Variants in XIRP2 observed in about 807,000 individuals in gnomAD.
XIRP2 encodes the protein xin actin-binding repeat-containing protein 2.
In XIRP2, 236 loss-of-function variants were observed where a neutral mutation model predicts 277.0. The ratio of observed to expected loss-of-function variants is 0.85; its 90% confidence interval spans 0.77 to 0.95. The LOEUF is 0.95. XIRP2 is among the 40% of genes least tolerant of loss of function. The probability of loss-of-function intolerance (pLI) is 0.00; values close to 1 mark genes in which losing one functional copy is unlikely to be tolerated. For synonymous variants in XIRP2, 1,490 were observed against 1,416.5 expected (o/e 1.05, Z -1.17); for missense variants, 4,640 against 4,157.5 (o/e 1.12, Z -3.19).
chr2:167,143,366 A>C (rs1008190527), intron 3 of XIRP2, among the ~76,000 whole-genome samples: 13 of 152,268 alleles, frequency 8.5e-5, no homozygotes, highest in African/African-American at 3.1e-4. Context: ...CTGATTTTTT[A>C]AAGTGTTTTT....
In XIRP2 at chr2:167,242,659, A is replaced by G; in HGVS notation, c.1267A>G (p.Thr423Ala). 6.2e-7 allele frequency: 1 copy of G among 1,614,128 alleles called. No individual in the cohort carries two copies. The highest frequency in any genetic ancestry group is 8.5e-7 in the Non-Finnish European group (1 of 1,179,980). The change falls in exon 9 of 11, where the codon ACA (threonine) becomes GCA (alanine). Residue 423 changes from threonine (T) to alanine (A), a missense_variant. Coordinates refer to ENST00000409195, the MANE Select transcript of XIRP2 (RefSeq NM_152381.6). ...SCVSTSQRKE[T>A]STTRYSDHSV... ...CGTTTCAACCAGCCAGAGGAAGGAAACATCAACTACAAGATATAGTGATCA... is the reference window on the plus strand; with the variant it reads ...CGTTTCAACCAGCCAGAGGAAGGAAGCATCAACTACAAGATATAGTGATCA...
At chr2:167,098,556 C>T (rs1360422540) in intron 2 of XIRP2, among the ~76,000 whole-genome samples, 2 of 152,222 alleles carry the variant, frequency 1.3e-5, no homozygotes, top group Non-Finnish European at 2.9e-5. Context: ...ATTCATCAAA[C>T]TCATTCTCCA....
chr2:167,005,347 C>A (rs1313125041), intron 2 of XIRP2, among the ~76,000 whole-genome samples: 1 of 151,824 alleles, frequency 6.6e-6, no homozygotes, highest in African/African-American at 2.4e-5. Context: ...GAAGTCACTG[C>A]AGGTGGTGAA....
At chr2:167,055,866 C>G (rs577077815) in intron 2 of XIRP2, among the ~76,000 whole-genome samples, 1 of 151,998 alleles carries the variant, frequency 6.6e-6, no homozygotes, top group Non-Finnish European at 1.5e-5. Context: ...TCTCTTTTCC[C>G]CTGGACTATA....
intron 2 of XIRP2, among the ~76,000 whole-genome samples, chr2:167,077,711 A>C (rs1689610754): frequency 6.6e-6 from 1 of 152,212 alleles, no homozygotes; most frequent in Non-Finnish European, 1.5e-5. Flanking sequence ...GCCTGAAGGC[A>C]GGATTATGTC....
chr2:167,142,287 C>T (rs935513883), intron 3 of XIRP2, among the ~76,000 whole-genome samples: 1 of 152,128 alleles, frequency 6.6e-6, no homozygotes, highest in Admixed American at 6.6e-5. Flanking sequence ...CAATGGCTCA[C>T]GCTTATAATC....
rs75573586 is a variant in XIRP2 at position 166,932,622 on chromosome 2, C to A, written c.408+28732C>A. Among the ~76,000 whole-genome samples, 147 of 152,132 alleles carry A rather than the reference C, an allele frequency of 9.7e-4. 1 individual carries two copies. Among genetic ancestry groups the A allele is most frequent in the South Asian group, 8.7e-3 (42 of 4,818 alleles). On this transcript the variant is annotated intron_variant, in intron 2 of 10. Coordinates refer to ENST00000409195, the MANE Select transcript of XIRP2 (RefSeq NM_152381.6). ...CTGTGTAAGAAATACTTGCTTACTC[C>A]GGTATTATAATAATATTTCTATATT...
At chr2:167,242,306 C>T (rs868116241) in intron 8 of XIRP2, among the ~76,000 whole-genome samples, 4 of 152,028 alleles carry the variant, frequency 2.6e-5, no homozygotes, top group Non-Finnish European at 5.9e-5. Flanking sequence ...AAAAGAATCA[C>T]GATTATGTGT....
chr2:167,248,147 A>G lies in XIRP2; in HGVS notation c.6755A>G (p.Asp2252Gly), dbSNP rs564136417. The G allele has an allele frequency of 6.1e-5, 98 of 1,613,740 alleles. No individual in the cohort carries two copies. In the South Asian group the frequency reaches 9.7e-4, roughly 16 times the overall value. ...RETDVHLKSQ[D>G]FLMKTNTSTG... ...ACTGATGTTCACTTGAAAAGCCAGG[A>G]CTTTCTAATGAAAACAAATACTTCC... The change falls in exon 9 of 11, where the codon GAC (aspartate) becomes GGC (glycine). Residue 2252 changes from aspartate to glycine, a missense_variant. Physicochemically the swap from Asp to Gly is moderately conservative, Grantham distance 94. Coordinates refer to ENST00000409195, the MANE Select transcript of XIRP2 (RefSeq NM_152381.6).
At chr2:167,255,011 T>C (rs1259781409) in intron 10 of XIRP2, among the ~76,000 whole-genome samples, 1 of 151,738 alleles carries the variant, frequency 6.6e-6, no homozygotes, top group Non-Finnish European at 1.5e-5. Context: ...TTTTTTCCCT[T>C]GGTTTCCATA....
intron 5 of XIRP2, among the ~76,000 whole-genome samples, chr2:167,218,564 A>G (rs963933575): frequency 6.6e-6 from 1 of 152,204 alleles, no homozygotes. Context: ...ATAAATGAAA[A>G]TTAAATAGTC....
chr2:167,054,115 G>A (rs1406241125), intron 2 of XIRP2, among the ~76,000 whole-genome samples: 1 of 152,130 alleles, frequency 6.6e-6, no homozygotes, highest in Non-Finnish European at 1.5e-5. Context: ...TGATTAGATA[G>A]CCAGCAAAAT....
At chr2:166,906,943 A>G (rs915717372) in intron 2 of XIRP2, among the ~76,000 whole-genome samples, 3 of 152,174 alleles carry the variant, frequency 2.0e-5, no homozygotes, top group Non-Finnish European at 4.4e-5. Flanking sequence ...ATTATTTTCT[A>G]TAAGTGTGCA....
At chr2:166,995,564 G>A (rs1479952325) in intron 2 of XIRP2, among the ~76,000 whole-genome samples, 2 of 152,272 alleles carry the variant, frequency 1.3e-5, no homozygotes, top group South Asian at 4.1e-4. Flanking sequence ...TGAGTTTAAA[G>A]AGATTGAGAA....
chr2:167,240,183 G>A (rs1695017092), intron 6 of XIRP2, among the ~76,000 whole-genome samples: 1 of 152,034 alleles, frequency 6.6e-6, no homozygotes, highest in African/African-American at 2.4e-5. Context: ...GGAGGCCGAG[G>A]CAGGCAGATC....
rs770410505 is a variant in XIRP2, at chr2:167,135,753, G to A, written c.409-156G>A. 3.7e-4 allele frequency: 245 copies of A among 654,612 alleles called. 1 individual carries two copies. Among genetic ancestry groups the A allele is most frequent in the Middle Eastern group, 9.3e-4 (2 of 2,152 alleles). The allele number at this position is 654,612 out of a possible 1,614,324, so 40.6% of individuals were successfully genotyped here. A position where few individuals can be genotyped will look rare whatever the true frequency, so the allele number is the denominator to read the frequency against. On this transcript the variant is annotated intron_variant, in intron 2 of 10. Transcript: ENST00000409195. ...GTTCAGATATATGTTTGCAGTTCTT[G>A]GCAAAGTTATCAACATTTTACCTGA...
intron 1 of XIRP2, among the ~76,000 whole-genome samples, chr2:166,897,286 C>CTGCA (rs1684269017): frequency 6.6e-6 from 1 of 152,172 alleles, no homozygotes; most frequent in Non-Finnish European, 1.5e-5. Context: ...GACTAGCACT[C>CTGCA]AGTGGCCCTA....
chr2:167,245,699 TAC>T lies in XIRP2; in HGVS notation c.4308_4309del (p.Ile1436MetfsTer7). On this transcript the variant is annotated frameshift_variant, in exon 9 of 11. Transcript: ENST00000409195. LOFTEE classifies it high-confidence loss of function. ...GAAAATTTTGATAAGAATAACTATA[TAC>T]GAACAGTAAGTGTCAATGAAATACA... The T allele has an allele frequency of 6.2e-7, 1 of 1,613,550 alleles. No individual in the cohort carries two copies. The highest frequency in any genetic ancestry group is 1.7e-5 in the Admixed American group (1 of 59,956).
At chr2:167,233,938 C>T (rs1305991395) in intron 5 of XIRP2, among the ~76,000 whole-genome samples, 1 of 151,574 alleles carries the variant, frequency 6.6e-6, no homozygotes, top group Non-Finnish European at 1.5e-5. Flanking sequence ...ATGTAAGCTG[C>T]ATTTTTAGTT....
Sources: allele counts gnomAD v4.1 joint callset (sites outside exome capture counted in the v4.1 genomes callset), GRCh38; gene constraint gnomAD v4.1.1; transcripts MANE v1.5; gene names NCBI Gene and HGNC (gene_info 2026-07-23, HGNC 2026-07-21).